COL9A1: variants seen among roughly 807,000 people sequenced by gnomAD.
The protein encoded by COL9A1 is collagen alpha-1(IX) chain.
A neutral mutation model predicts 142.6 loss-of-function variants in COL9A1; 104 were observed. The ratio of observed to expected loss-of-function variants is 0.73; its 90% CI spans 0.62 to 0.86. COL9A1 has a LOEUF of 0.86. Ranked by LOEUF, COL9A1 falls within the 40% of genes least tolerant of loss-of-function variation. The probability of loss-of-function intolerance (pLI) is 0.00; values close to 1 mark genes in which losing one functional copy is unlikely to be tolerated. For missense variants in COL9A1, 1,210 were observed against 1,176.6 expected (o/e 1.03, Z -0.42); for synonymous variants, 466 against 396.0 (o/e 1.18, Z -2.10).
chr6:70,294,684 C>T (rs1773788607), intron 4 of COL9A1, 121 bp from the exon 5 acceptor site: 5 of 911,880 alleles, frequency 5.5e-6, no homozygotes, highest in South Asian at 4.4e-5. Context: ...AGTGTAAAAA[C>T]CTATGTACCG....
chr6:70,242,159 C>T, intron 29 of COL9A1, 124 bp from the exon 30 acceptor site: 1 of 832,652 alleles, frequency 1.2e-6, no homozygotes, highest in Non-Finnish European at 2.0e-6. Flanking sequence ...TGGTTGAACT[C>T]TGCTTCTTGG....
chr6:70,256,955 G>T, intron 20 of COL9A1, 134 bp from the exon 21 acceptor site: 1 of 746,446 alleles, frequency 1.3e-6, no homozygotes, highest in Non-Finnish European at 2.3e-6. Flanking sequence ...AGTGATCCCT[G>T]AGGAGTAATT....
chr6:70,269,696 T>C lies in COL9A1; in HGVS notation c.1198-31A>G, dbSNP rs763551470. 39 of 1,394,018 alleles carry C rather than the reference T, an allele frequency of 2.8e-5. 1 individual carries two copies. In the South Asian group the frequency reaches 4.3e-4, roughly 15 times the overall value. The allele number at this position is 1,394,018 out of a possible 1,614,324, so 86.4% of individuals were successfully genotyped here. A position where few individuals can be genotyped will look rare whatever the true frequency, so the allele number is the denominator to read the frequency against. The stretch of plus-strand genomic sequence containing the variant: ...GTAAACAAAATATTAAGGTTCAGAA[T>C]ACAATTAAATAATGAATTCAAACAT... On this transcript the variant is annotated intron_variant, in intron 15 of 37. Coordinates refer to ENST00000357250, the MANE Select transcript of COL9A1 (RefSeq NM_001851.6).
Position 70,294,520 on chromosome 6 carries a change from T to C in COL9A1, c.343A>G (p.Thr115Ala). The C allele has an allele frequency of 1.2e-6, 2 of 1,614,086 alleles. No homozygotes were observed. The highest frequency in any genetic ancestry group is 1.7e-6 in the Non-Finnish European group (2 of 1,179,948). ...GTGCTTCCAGTCATTCGAAACGTCGTCAAGAAGGAGTATTCTTCAGGCAGT... is the reference window on the plus strand; with the variant it reads ...GTGCTTCCAGTCATTCGAAACGTCGCCAAGAAGGAGTATTCTTCAGGCAGT... ...SGLPEEYSFL[T>A]TFRMTGSTLK... is the part of the protein sequence containing the mutation. The change falls in exon 5 of 38, where the codon ACG becomes GCG. Residue 115 changes from threonine to alanine, a missense_variant. Coordinates refer to ENST00000357250, the MANE Select transcript of COL9A1 (RefSeq NM_001851.6).
chr6:70,280,425 A>G, intron 10 of COL9A1: 1 of 1,198,930 alleles, frequency 8.3e-7, no homozygotes, highest in Non-Finnish European at 1.0e-6. Flanking sequence ...GCTAGCTTCC[A>G]GGAGCCTGCC....
In COL9A1 at chr6:70,280,866, T is replaced by C. The variant is rs1398982856; in HGVS notation, c.921A>G (p.Ala307=). The change falls in exon 10 of 38, where the codon GCA becomes GCG. Residue 307 remains alanine (A), a synonymous_variant. Transcript: ENST00000357250. ...PKGPPGPPGP[A]GEPGKPGAPG... ...GAGCTCCTGGCTTTCCCGGTTCACCTGCAGGACCCTGAGCAGGGGCAGAAG... is the reference window on the plus strand; with the variant it reads ...GAGCTCCTGGCTTTCCCGGTTCACCCGCAGGACCCTGAGCAGGGGCAGAAG... 6.2e-7 allele frequency: 1 copy of C among 1,613,538 alleles called. No individual in the cohort carries two copies. The highest frequency in any genetic ancestry group is 8.5e-7 in the Non-Finnish European group (1 of 1,179,870).
intron 19 of COL9A1, among the ~76,000 whole-genome samples, 173 bp downstream of exon 19, chr6:70,263,071 C>T (rs1317252099): frequency 1.3e-5 from 2 of 152,026 alleles, no homozygotes; most frequent in Admixed American, 1.3e-4. Flanking sequence ...AATGAAGACC[C>T]TCTCCTATTT....
intron 37 of COL9A1, among the ~76,000 whole-genome samples, chr6:70,224,465 A>C (rs1302796873): frequency 1.3e-5 from 2 of 152,204 alleles, no homozygotes; most frequent in Non-Finnish European, 2.9e-5. Context: ...ACCATAATAC[A>C]TTTTCAATAA....
chr6:70,274,753 C>A lies in COL9A1; in HGVS notation c.995G>T (p.Gly332Val), dbSNP rs924701727. 5 of 1,612,670 alleles carry A rather than the reference C, an allele frequency of 3.1e-6. No homozygotes were observed. In the African/African-American group the frequency reaches 6.7e-5, roughly 22 times the overall value. The change falls in exon 11 of 38, where the codon GGA (glycine) becomes GTA (valine). Residue 332 changes from glycine (G) to valine (V), a missense_variant. Coordinates refer to ENST00000357250, the MANE Select transcript of COL9A1 (RefSeq NM_001851.6). ...CTTTGACCCAATGGAGCCAGGGGATCCATCAGGTCCTGTTAATCCCTAATA... is the reference window on the plus strand; with the variant it reads ...CTTTGACCCAATGGAGCCAGGGGATACATCAGGTCCTGTTAATCCCTAATA... ...PGADGLTGPD[G>V]SPGSIGSKGQ...
At chr6:70,260,842 A>T in intron 19 of COL9A1, 132 bp from the exon 20 acceptor site, 1 of 720,146 alleles carries the variant, frequency 1.4e-6, no homozygotes, top group Non-Finnish European at 2.3e-6. Flanking sequence ...GTAACTATAT[A>T]TATATAGACA....
At chr6:70,220,963 T>A (rs965998319) in intron 37 of COL9A1, among the ~76,000 whole-genome samples, 1 of 152,226 alleles carries the variant, frequency 6.6e-6, no homozygotes, top group Admixed American at 6.5e-5. Flanking sequence ...ATGTTTGAGA[T>A]GATGGATATA....
chr6:70,219,575 G>A (rs964929823), intron 37 of COL9A1, among the ~76,000 whole-genome samples: 7 of 152,176 alleles, frequency 4.6e-5, no homozygotes, highest in East Asian at 1.9e-4. Flanking sequence ...AGATGAAAAC[G>A]TAAAGTACAA....
chr6:70,261,690 G>T (rs1314507749), intron 19 of COL9A1, among the ~76,000 whole-genome samples: 3 of 152,190 alleles, frequency 2.0e-5, no homozygotes, highest in Admixed American at 2.0e-4. Context: ...TATCCATTTA[G>T]AATATCGAGT....
intron 10 of COL9A1, among the ~76,000 whole-genome samples, chr6:70,277,722 A>G (rs113970219): frequency 1.3e-5 from 2 of 152,350 alleles, no homozygotes; most frequent in African/African-American, 2.4e-5. Context: ...CCAAAAATCC[A>G]TTCAACATAG....
In COL9A1 at chr6:70,283,725, C is replaced by G. The variant is rs1167682479; in HGVS notation, c.780+12G>C. ...GGTAGAAGTGGCCTTTGCAGGTAGT[C>G]AGGGGACTCACCGTTATTCTGGCTG... On this transcript the variant is annotated intron_variant, in intron 6 of 37. Coordinates refer to ENST00000357250, the MANE Select transcript of COL9A1 (RefSeq NM_001851.6). 6.2e-7 allele frequency: 1 copy of G among 1,606,124 alleles called. No homozygotes were observed. The highest frequency in any genetic ancestry group is 8.5e-7 in the Non-Finnish European group (1 of 1,175,422).
Position 70,294,179 on chromosome 6 carries a change from T to A in COL9A1, c.684A>T (p.Gln228His), listed in dbSNP as rs749667575. ...GTTTTATACTTACTGGAACAGAAAC[T>A]TGAGGATTATCTGCAAGTTTTCCCA... is the stretch of plus-strand genomic sequence containing the variant. The part of the protein sequence containing the change: ...AVLGKLADNP[Q>H]VSVPFELQWM... The change falls in exon 5 of 38, where the codon CAA (glutamine) becomes CAT (histidine). Residue 228 changes from glutamine to histidine, a missense_variant. Gln to His is a conservative substitution (Grantham distance 24, BLOSUM62 0). Transcript: ENST00000357250. The A allele has an allele frequency of 3.7e-6, 6 of 1,613,940 alleles. No homozygotes were observed.
intron 37 of COL9A1, among the ~76,000 whole-genome samples, chr6:70,223,117 G>A (rs1229046175): frequency 6.6e-6 from 1 of 152,154 alleles, no homozygotes; most frequent in Non-Finnish European, 1.5e-5. Flanking sequence ...ATCAGGGGCG[G>A]TGCTGATTTA....
At chr6:70,231,362 T>C (rs1769531249) in intron 36 of COL9A1, among the ~76,000 whole-genome samples, 2 of 152,278 alleles carry the variant, frequency 1.3e-5, no homozygotes, top group Admixed American at 1.3e-4. Context: ...AGGCATGAGC[T>C]CCTGAACTAG....
chr6:70,286,326 C>G (rs956479494), intron 5 of COL9A1, among the ~76,000 whole-genome samples: 2 of 152,168 alleles, frequency 1.3e-5, no homozygotes, highest in African/African-American at 4.8e-5. Context: ...ACGATTTCTA[C>G]TTATTTTGCC....
Sources: allele counts gnomAD v4.1 joint callset (sites outside exome capture counted in the v4.1 genomes callset), GRCh38; gene constraint gnomAD v4.1.1; transcripts MANE v1.5; gene names NCBI Gene and HGNC (gene_info 2026-07-23, HGNC 2026-07-21).